ETF1: variants seen among roughly 807,000 people sequenced by gnomAD.
ETF1 encodes eukaryotic peptide chain release factor subunit 1.
ETF1 carries 4 observed loss-of-function variants against 55.1 expected under a neutral mutation model. The ratio of observed to expected loss-of-function variants is 0.07; its 90% CI spans 0.04 to 0.17. The LOEUF is 0.17. Ranked by LOEUF, ETF1 falls within the 10% of genes least tolerant of loss-of-function variation. The probability of loss-of-function intolerance (pLI) is 1.00; values close to 1 mark genes in which losing one functional copy is unlikely to be tolerated. For missense variants in ETF1, 142 were observed against 523.6 expected, an observed-to-expected ratio of 0.27 and a Z score of 7.11; for synonymous variants, 157 against 182.3, an observed-to-expected ratio of 0.86 and a Z score of 1.12.
intron 2 of ETF1, among the ~76,000 whole-genome samples, chr5:138,520,315 C>T (rs1029468606): frequency 6.6e-6 from 1 of 151,840 alleles, no homozygotes; most frequent in Non-Finnish European, 1.5e-5. Flanking sequence ...ATGAACACCT[C>T]CATACACATA....
At chr5:138,525,161 AT>A (rs1274961753) in intron 2 of ETF1, among the ~76,000 whole-genome samples, 233 of 143,950 alleles carry the variant, frequency 1.6e-3, no homozygotes, top group Middle Eastern at 3.6e-3. Context: ...ACTATTAATA[AT>A]TTTTTTTTTT....
intron 9 of ETF1, chr5:138,509,164 C>T (rs1000907185): frequency 1.9e-5 from 19 of 985,274 alleles, no homozygotes; most frequent in Non-Finnish European, 2.3e-5. Flanking sequence ...AAGAGACATT[C>T]CAGGACTGCT....
chr5:138,541,628 A>T, intron 2 of ETF1: 1 of 1,529,216 alleles, frequency 6.5e-7, no homozygotes, highest in Non-Finnish European at 8.7e-7. Context: ...CCCATAAATG[A>T]CAATCCTGGG....
At chr5:138,533,557 G>A (rs900569185) in intron 2 of ETF1, among the ~76,000 whole-genome samples, 4 of 152,066 alleles carry the variant, frequency 2.6e-5, no homozygotes, top group South Asian at 2.1e-4. Flanking sequence ...GTGGTGGCAC[G>A]CACCTGTAGT....
At chr5:138,512,647 A>G in intron 6 of ETF1, 117 bp downstream of exon 6, 1 of 838,666 alleles carries the variant, frequency 1.2e-6, no homozygotes, top group South Asian at 2.0e-5. Flanking sequence ...TTTAACTCAG[A>G]GGCAAGTTTT....
chr5:138,516,840 TG>T (rs1338847509), intron 4 of ETF1, among the ~76,000 whole-genome samples: 1 of 152,208 alleles, frequency 6.6e-6, no homozygotes, highest in Non-Finnish European at 1.5e-5. Flanking sequence ...AACTTGTCCA[TG>T]AATGTTCACA....
intron 9 of ETF1, among the ~76,000 whole-genome samples, chr5:138,509,726 C>T (rs537988951): frequency 6.6e-6 from 1 of 152,100 alleles, no homozygotes; most frequent in East Asian, 1.9e-4. Flanking sequence ...GAAACCCAGT[C>T]TCTACTAAAA....
rs1466611161 is a variant in ETF1 at position 138,511,148 on chromosome 5, A to G, written c.915T>C (p.Val305=). The G allele has an allele frequency of 1.9e-6, 3 of 1,613,998 alleles. No homozygotes were observed. The highest frequency in any genetic ancestry group is 2.5e-6 in the Non-Finnish European group (3 of 1,179,962). Residue 305 remains valine (V), a synonymous_variant, in exon 8 of 11, where the codon GTT becomes GTC. Coordinates refer to ENST00000360541, the MANE Select transcript of ETF1 (RefSeq NM_004730.4). The part of the protein sequence containing the change: ...SQDTGKYCFG[V]EDTLKALEMG... ...TTTCCAAAGCCTTTAGTGTATCTTC[A>G]ACGCCAAAACAGTACTTGCCCGTGT...
intron 2 of ETF1, among the ~76,000 whole-genome samples, chr5:138,525,601 C>T (rs1765435464): frequency 6.6e-6 from 1 of 152,170 alleles, no homozygotes; most frequent in Admixed American, 6.5e-5. Flanking sequence ...AGCTGACTTA[C>T]ATCTTGAAGG....
intron 2 of ETF1, among the ~76,000 whole-genome samples, chr5:138,528,587 A>G (rs952190314): frequency 6.6e-6 from 1 of 152,210 alleles, no homozygotes; most frequent in Non-Finnish European, 1.5e-5. Flanking sequence ...AGATTTCTAC[A>G]AAGTTGATAA....
chr5:138,536,471 T>C (rs1032804765), intron 2 of ETF1, among the ~76,000 whole-genome samples: 2 of 152,172 alleles, frequency 1.3e-5, no homozygotes, highest in African/African-American at 4.8e-5. Flanking sequence ...CAGTACCCAG[T>C]GAGAAACCTC....
chr5:138,509,644 C>T (rs1764685088), intron 9 of ETF1, among the ~76,000 whole-genome samples: 1 of 152,048 alleles, frequency 6.6e-6, no homozygotes, highest in African/African-American at 2.4e-5. Context: ...CCTGTAATCC[C>T]AGCATTTTGG....
At position 138,506,848 on chromosome 5, in the gene ETF1, G is replaced by C. The variant is rs1419899496; in HGVS notation, c.*1457C>G. ...TGAATCAAGTCAGTAAAGAACAGCA[G>C]TCAGGCACTAAAGTGTTAAAAGTAC... is the stretch of plus-strand genomic sequence containing the variant. On this transcript the variant is annotated 3_prime_UTR_variant, in exon 11 of 11. Coordinates refer to ENST00000360541, the MANE Select transcript of ETF1 (RefSeq NM_004730.4). 1 of 152,654 alleles carries C rather than the reference G, an allele frequency of 6.6e-6. No homozygotes were observed. Among genetic ancestry groups the C allele is most frequent in the Non-Finnish European group, 1.5e-5 (1 of 68,060 alleles). 9.5% of individuals were successfully genotyped at this position (152,654 alleles called of 1,614,324 possible). A position where few individuals can be genotyped will look rare whatever the true frequency, so the allele number is the denominator to read the frequency against.
intron 2 of ETF1, chr5:138,541,642 G>A (rs1319164515): frequency 2.6e-6 from 4 of 1,517,556 alleles, no homozygotes; most frequent in East Asian, 2.5e-5. Flanking sequence ...TCCTGGGCTG[G>A]AAACCAGAAT....
At position 138,507,386 on chromosome 5, in the gene ETF1, C is replaced by T. The variant is rs1472343564; in HGVS notation, c.*919G>A. The stretch of plus-strand genomic sequence containing the variant: ...CAACACAAGGAAAACACATCCACCT[C>T]CCTTTTAACAAGGATTGACCCAAGC... On this transcript the variant is annotated 3_prime_UTR_variant, in exon 11 of 11. Coordinates refer to ENST00000360541, the MANE Select transcript of ETF1 (RefSeq NM_004730.4). 4 of 152,658 alleles carry T rather than the reference C, an allele frequency of 2.6e-5. No individual in the cohort carries two copies. The highest frequency in any genetic ancestry group is 4.8e-5 in the African/African-American group (2 of 41,458). 9.5% of individuals were successfully genotyped at this position (152,658 alleles called of 1,614,324 possible). A position where few individuals can be genotyped will look rare whatever the true frequency, so the allele number is the denominator to read the frequency against.
chr5:138,524,225 C>T (rs13171519), intron 2 of ETF1, among the ~76,000 whole-genome samples: 33,421 of 150,656 alleles, frequency 0.22, 4,050 homozygotes, highest in Non-Finnish European at 0.28. Context: ...TGGTGGCACA[C>T]GCCTGTAATT....
chr5:138,537,719 C>T (rs462623), intron 2 of ETF1, among the ~76,000 whole-genome samples: 8,388 of 151,146 alleles, frequency 0.055, 299 homozygotes, highest in African/African-American at 0.1. Flanking sequence ...TCCCGAGTAG[C>T]TGGGACTACA....
In ETF1 at chr5:138,540,574, A is replaced by T. The variant is rs188170909; in HGVS notation, c.86+2259T>A. Among the ~76,000 whole-genome samples, 476 of 152,264 alleles carry T rather than the reference A, an allele frequency of 3.1e-3. 3 individuals are homozygous for T. Among genetic ancestry groups the T allele is most frequent in the Non-Finnish European group, 5.6e-3 (378 of 68,020 alleles). On this transcript the variant is annotated intron_variant, in intron 2 of 10. Coordinates refer to ENST00000360541, the MANE Select transcript of ETF1 (RefSeq NM_004730.4). ...GGAATCTTCTGACTCCCTTACCAAT[A>T]CTCAGAGATGGCCAAGATTTTAAAT... is the stretch of plus-strand genomic sequence containing the variant.
chr5:138,531,385 T>C (rs892176802), intron 2 of ETF1, among the ~76,000 whole-genome samples: 6 of 152,098 alleles, frequency 3.9e-5, no homozygotes, highest in African/African-American at 1.2e-4. Context: ...TATTCTGTTA[T>C]AGCAGCACAA....
Sources: gnomAD v4.1 joint callset for allele counts (sites outside exome capture counted in the v4.1 genomes callset) on GRCh38, gnomAD v4.1.1 for gene constraint, MANE v1.5 for transcripts, NCBI Gene and HGNC (gene_info 2026-07-23, HGNC 2026-07-21) for gene names.